ENTREP2: variants seen among roughly 807,000 people sequenced by gnomAD.
ENTREP2 encodes endosomal transmembrane epsin interactor 2.
chr15:29,421,233 TG>T, the ENTREP2 span, among the ~76,000 whole-genome samples: 1 of 152,144 alleles, frequency 6.6e-6, no homozygotes, highest in South Asian at 2.1e-4. Flanking sequence ...AGTAAGTTAG[TG>T]AAAGTGAACA....
the ENTREP2 span, among the ~76,000 whole-genome samples, chr15:29,338,635 A>AAGT: frequency 2.6e-5 from 4 of 151,944 alleles, no homozygotes; most frequent in East Asian, 7.8e-4. Context: ...GCCATCACTT[A>AAGT]GATGGCTGGC....
At chr15:29,480,831 TGA>T in the ENTREP2 span, among the ~76,000 whole-genome samples, 1 of 150,584 alleles carries the variant, frequency 6.6e-6, no homozygotes, top group Non-Finnish European at 1.5e-5. Flanking sequence ...AGTTGGGGGG[TGA>T]GAGTCTGGGA....
At chr15:29,400,518 A>G in the ENTREP2 span, among the ~76,000 whole-genome samples, 1 of 152,216 alleles carries the variant, frequency 6.6e-6, no homozygotes, top group Non-Finnish European at 1.5e-5. Context: ...AATCTACGCA[A>G]TAAGAAGTGC....
chr15:29,123,827 A>C, the ENTREP2 span, among the ~76,000 whole-genome samples: 1 of 152,056 alleles, frequency 6.6e-6, no homozygotes, highest in East Asian at 1.9e-4. Context: ...CTCAACCCCA[A>C]ACTGAACTAG....
At chr15:29,422,463 G>A in the ENTREP2 span, among the ~76,000 whole-genome samples, 1 of 152,148 alleles carries the variant, frequency 6.6e-6, no homozygotes, top group African/African-American at 2.4e-5. Flanking sequence ...TAAATTCTTG[G>A]ACTTGAATAA....
chr15:29,330,790 C>T, the ENTREP2 span, among the ~76,000 whole-genome samples: 1 of 152,176 alleles, frequency 6.6e-6, no homozygotes, highest in Non-Finnish European at 1.5e-5. Context: ...TTAACAAATG[C>T]ACCATAGTAA....
At chr15:29,440,503 A>T in the ENTREP2 span, among the ~76,000 whole-genome samples, 11 of 152,352 alleles carry the variant, frequency 7.2e-5, no homozygotes, top group Admixed American at 2.0e-4. Context: ...TTCCAACATT[A>T]GCATGAAGAA....
chr15:29,180,893 A>G, the ENTREP2 span, among the ~76,000 whole-genome samples: 1 of 152,014 alleles, frequency 6.6e-6, no homozygotes, highest in Non-Finnish European at 1.5e-5. Flanking sequence ...TGAATTTAGT[A>G]ACAGCATACA....
the ENTREP2 span, among the ~76,000 whole-genome samples, chr15:29,296,048 G>A: frequency 1.3e-5 from 2 of 152,164 alleles, no homozygotes; most frequent in Non-Finnish European, 2.9e-5. Context: ...CCTGAGCAAG[G>A]AGGAATTCTG....
the ENTREP2 span, among the ~76,000 whole-genome samples, chr15:29,593,510 T>C: frequency 6.6e-6 from 1 of 152,318 alleles, no homozygotes; most frequent in East Asian, 1.9e-4. Flanking sequence ...CCTAGGATTT[T>C]GTCTTCACCA....
At chr15:29,263,936 C>T in the ENTREP2 span, among the ~76,000 whole-genome samples, 6 of 152,072 alleles carry the variant, frequency 3.9e-5, no homozygotes, top group Non-Finnish European at 5.9e-5. Context: ...AAGTGGATCA[C>T]GAGGTCAGGA....
At chr15:29,516,901 G>C in the ENTREP2 span, among the ~76,000 whole-genome samples, 1 of 143,666 alleles carries the variant, frequency 7.0e-6, no homozygotes, top group South Asian at 2.4e-4. Flanking sequence ...TTTATTCCTA[G>C]TAGGTTTTCC....
chr15:29,391,951 A>G, the ENTREP2 span, among the ~76,000 whole-genome samples: 6 of 152,122 alleles, frequency 3.9e-5, no homozygotes, highest in African/African-American at 1.4e-4. Flanking sequence ...CAGCCTCCCA[A>G]GTAGCTGGGA....
the ENTREP2 span, among the ~76,000 whole-genome samples, chr15:29,577,349 T>TGAGAGA: frequency 6.9e-6 from 1 of 144,336 alleles, no homozygotes; most frequent in African/African-American, 2.6e-5. Context: ...TGTGTGTGTG[T>TGAGAGA]GAGAGAGAGA....
the ENTREP2 span, among the ~76,000 whole-genome samples, chr15:29,574,602 G>A: frequency 2.6e-5 from 4 of 152,314 alleles, no homozygotes; most frequent in Admixed American, 1.3e-4. Flanking sequence ...CAAGACCATT[G>A]TTCTTAAGCA....
At chr15:29,485,192 C>T in the ENTREP2 span, among the ~76,000 whole-genome samples, 62 of 152,176 alleles carry the variant, frequency 4.1e-4, no homozygotes, top group Admixed American at 6.5e-4. Context: ...TTCGCAGCAA[C>T]CAAGCAAAAA....
chr15:29,168,081 C>G, the ENTREP2 span, among the ~76,000 whole-genome samples: 2 of 152,052 alleles, frequency 1.3e-5, no homozygotes, highest in African/African-American at 2.4e-5. Context: ...AATGGAAAAC[C>G]AAACATCGTA....
the ENTREP2 span, among the ~76,000 whole-genome samples, chr15:29,412,650 A>G: frequency 6.6e-6 from 1 of 152,130 alleles, no homozygotes; most frequent in East Asian, 1.9e-4. Flanking sequence ...TCTCTTCTGT[A>G]TCTGTAATTA....
chr15:29,552,675 T>C, the ENTREP2 span, among the ~76,000 whole-genome samples: 15 of 152,306 alleles, frequency 9.8e-5, no homozygotes, highest in South Asian at 3.1e-3. Context: ...TAACAATAGA[T>C]GCAGATGAGA....
Sources: gnomAD v4.1 joint callset for allele counts (sites outside exome capture counted in the v4.1 genomes callset) on GRCh38, gnomAD v4.1.1 for gene constraint, MANE v1.5 for transcripts, NCBI Gene and HGNC (gene_info 2026-07-23, HGNC 2026-07-21) for gene names.